Variants in KCNB2 observed in about 807,000 individuals in gnomAD.
KCNB2 encodes the protein delayed rectifier potassium channel protein.
KCNB2 carries 15 observed loss-of-function variants against 61.5 expected under a neutral mutation model. The observed-to-expected ratio is 0.24, with a 90% confidence interval of 0.16 to 0.38. The LOEUF (loss-of-function observed/expected upper bound fraction) is 0.38. Among genes scored for constraint, KCNB2 ranks in the 10% least tolerant of loss-of-function variants. The pLI, the probability that KCNB2 is intolerant of heterozygous loss-of-function variation, is 1.00. For synonymous variants in KCNB2, 457 were observed against 446.0 expected (o/e 1.02, Z -0.31); for missense variants, 828 against 1,125.2 (o/e 0.74, Z 3.78).
At chr8:72,858,622 TA>T in intron 2 of KCNB2, among the ~76,000 whole-genome samples, 1 of 152,344 alleles carries the variant, frequency 6.6e-6, no homozygotes, top group East Asian at 1.9e-4. Flanking sequence ...CTTGACGCTG[TA>T]GTCATGACCC....
chr8:72,559,918 G>A (rs1427773676), intron 1 of KCNB2, among the ~76,000 whole-genome samples: 4 of 152,070 alleles, frequency 2.6e-5, no homozygotes, highest in Non-Finnish European at 4.4e-5. Context: ...CAAGTCATGC[G>A]ACCTCAGTTT....
At chr8:72,565,193 C>T (rs1458473988) in intron 1 of KCNB2, among the ~76,000 whole-genome samples, 2 of 152,120 alleles carry the variant, frequency 1.3e-5, no homozygotes, top group East Asian at 3.9e-4. Flanking sequence ...GTTGAAAAAA[C>T]TCCTGCTGCA....
intron 2 of KCNB2, among the ~76,000 whole-genome samples, chr8:72,609,520 G>C (rs1000630601): frequency 6.6e-6 from 1 of 152,092 alleles, no homozygotes; most frequent in African/African-American, 2.4e-5. Flanking sequence ...ATTTTCATTA[G>C]AGACAAGAGT....
intron 2 of KCNB2, among the ~76,000 whole-genome samples, chr8:72,625,716 C>T (rs1805779405): frequency 6.6e-6 from 1 of 152,120 alleles, no homozygotes; most frequent in South Asian, 2.1e-4. Context: ...CGGGCATGAG[C>T]CACTGCACCC....
intron 2 of KCNB2, among the ~76,000 whole-genome samples, chr8:72,905,586 C>A (rs933832145): frequency 2.2e-4 from 33 of 152,148 alleles, no homozygotes; most frequent in African/African-American, 7.7e-4. Context: ...GTGCAGCCGA[C>A]TGCAGTCCTT....
chr8:72,717,163 G>A (rs144530991), intron 2 of KCNB2, among the ~76,000 whole-genome samples: 1,741 of 152,164 alleles, frequency 0.011, 28 homozygotes, highest in African/African-American at 0.04. Flanking sequence ...AAACAAAAGA[G>A]GCTACAAACA....
chr8:72,865,086 G>A (rs1264927520), intron 2 of KCNB2, among the ~76,000 whole-genome samples: 4 of 152,062 alleles, frequency 2.6e-5, no homozygotes, highest in African/African-American at 4.8e-5. Context: ...CAGAATTATT[G>A]CAACAGGCTC....
intron 2 of KCNB2, among the ~76,000 whole-genome samples, chr8:72,640,267 G>A (rs1457760734): frequency 6.6e-6 from 1 of 152,088 alleles, no homozygotes; most frequent in Non-Finnish European, 1.5e-5. Flanking sequence ...ATAATGGAAA[G>A]GTGCCTGTGC....
At chr8:72,608,816 G>T (rs1408221335) in intron 2 of KCNB2, among the ~76,000 whole-genome samples, 1 of 152,152 alleles carries the variant, frequency 6.6e-6, no homozygotes, top group Non-Finnish European at 1.5e-5. Flanking sequence ...TAGTAGTTAA[G>T]AGTACATAGC....
At chr8:72,908,868 A>C (rs1326239807) in intron 2 of KCNB2, among the ~76,000 whole-genome samples, 6 of 152,208 alleles carry the variant, frequency 3.9e-5, no homozygotes, top group Non-Finnish European at 5.9e-5. Context: ...CAGGGGACCC[A>C]CATGACAAAA....
Position 72,537,380 on chromosome 8 carries a change from CCCGCGG to C in KCNB2, c.-594_-589del, listed in dbSNP as rs1394456436. 1 of 152,880 alleles carries C rather than the reference CCCGCGG, an allele frequency of 6.5e-6. No homozygotes were observed. The highest frequency in any genetic ancestry group is 1.5e-5 in the Non-Finnish European group (1 of 68,190). 9.5% of individuals were successfully genotyped at this position (152,880 alleles called of 1,614,324 possible). A position where few individuals can be genotyped will look rare whatever the true frequency, so the allele number is the denominator to read the frequency against. On this transcript the variant is annotated 5_prime_UTR_variant, in exon 1 of 3. Coordinates refer to ENST00000523207, the MANE Select transcript of KCNB2 (RefSeq NM_004770.3). ...CGCCCTCCGCCCTCCGCCCTCCGCC[CCCGCGG>C]CCGCCGCCGCCGCTGCGCCTCGGGC...
At chr8:72,565,305 A>G (rs1177637004) in intron 1 of KCNB2, among the ~76,000 whole-genome samples, 4 of 152,172 alleles carry the variant, frequency 2.6e-5, no homozygotes, top group Admixed American at 6.5e-5. Flanking sequence ...CGCCTCCAGA[A>G]CAATAAATAA....
intron 2 of KCNB2, among the ~76,000 whole-genome samples, chr8:72,824,159 T>G (rs995045747): frequency 6.6e-6 from 1 of 152,128 alleles, no homozygotes; most frequent in Admixed American, 6.5e-5. Flanking sequence ...ACTTGGAACT[T>G]GACCAAATAT....
intron 2 of KCNB2, among the ~76,000 whole-genome samples, chr8:72,695,680 AT>A (rs1807007044): frequency 6.6e-6 from 1 of 152,184 alleles, no homozygotes; most frequent in South Asian, 2.1e-4. Flanking sequence ...ACAGTACCAA[AT>A]ACCTACTCTT....
intron 2 of KCNB2, among the ~76,000 whole-genome samples, chr8:72,762,502 G>A (rs1010800156): frequency 1.3e-5 from 2 of 152,222 alleles, no homozygotes; most frequent in Non-Finnish European, 2.9e-5. Flanking sequence ...CTGAAGTCCT[G>A]TACTGCTTGG....
chr8:72,838,234 A>T (rs1809817180), intron 2 of KCNB2, among the ~76,000 whole-genome samples: 1 of 152,132 alleles, frequency 6.6e-6, no homozygotes, highest in Non-Finnish European at 1.5e-5. Flanking sequence ...CATTTACATT[A>T]GGTATTTCTC....
At chr8:72,609,200 CATGTTTCTTAGATCAAGT>C (rs1805500452) in intron 2 of KCNB2, among the ~76,000 whole-genome samples, 2 of 152,104 alleles carry the variant, frequency 1.3e-5, no homozygotes, top group Admixed American at 1.3e-4. Flanking sequence ...GACCTTGGTC[CATGTTTCTTAGATCAAGT>C]ATGTCCTTAC....
intron 2 of KCNB2, among the ~76,000 whole-genome samples, chr8:72,922,818 C>CTCAA (rs1316639970): frequency 6.6e-6 from 1 of 152,162 alleles, no homozygotes; most frequent in Non-Finnish European, 1.5e-5. Flanking sequence ...TGAAACAGGT[C>CTCAA]TCAATCAATT....
chr8:72,918,003 C>T (rs983613510), intron 2 of KCNB2, among the ~76,000 whole-genome samples: 1 of 152,138 alleles, frequency 6.6e-6, no homozygotes, highest in Non-Finnish European at 1.5e-5. Context: ...ATAAAACTTG[C>T]CCCACAGTGT....
Sources: allele counts gnomAD v4.1 joint callset (sites outside exome capture counted in the v4.1 genomes callset), GRCh38; gene constraint gnomAD v4.1.1; transcripts MANE v1.5; gene names NCBI Gene and HGNC (gene_info 2026-07-23, HGNC 2026-07-21).